The following RGS6 variants were observed in gnomAD, a reference collection of about 807,000 sequenced individuals.
RGS6 encodes the protein regulator of G-protein signaling 6.
In RGS6, 30 loss-of-function variants were observed where a neutral mutation model predicts 78.5. The observed-to-expected ratio is 0.38, with a 90% CI of 0.29 to 0.52. RGS6 has a LOEUF of 0.52. RGS6 is among the 20% of genes least tolerant of loss of function. RGS6 has a pLI of 0.85. For missense variants in RGS6, 495 were observed against 609.7 expected, an observed-to-expected ratio of 0.81 and a Z score of 1.98; for synonymous variants, 206 against 206.0, an observed-to-expected ratio of 1.00 and a Z score of 0.00.
At chr14:72,452,067 G>C (rs886898805) in intron 3 of RGS6, among the ~76,000 whole-genome samples, 1 of 152,120 alleles carries the variant, frequency 6.6e-6, no homozygotes, top group Non-Finnish European at 1.5e-5. Context: ...TTTTTCTTTT[G>C]AGGAAAAAAC....
chr14:72,459,615 C>G lies in RGS6; in HGVS notation c.343-17C>G. Reference sequence around the variant, plus strand: ...CATGGCGCGCCCCTGAGCACTAACACCCATGCTCCTTTGCAGGCTCCGTAC... The same window carrying G: ...CATGGCGCGCCCCTGAGCACTAACAGCCATGCTCCTTTGCAGGCTCCGTAC... On this transcript the variant is annotated splice_polypyrimidine_tract_variant and intron_variant, in intron 5 of 17. Coordinates refer to ENST00000553525, the MANE Select transcript of RGS6 (RefSeq NM_001204424.2). 1 of 1,613,864 alleles carries G rather than the reference C, an allele frequency of 6.2e-7. No homozygotes were observed. The highest frequency in any genetic ancestry group is 8.5e-7 in the Non-Finnish European group (1 of 1,179,896).
intron 2 of RGS6, among the ~76,000 whole-genome samples, chr14:72,182,424 A>C (rs1340445902): frequency 1.3e-5 from 2 of 151,702 alleles, no homozygotes. Context: ...CTCAAAAAAA[A>C]AAAAAAAAAA....
chr14:72,191,469 T>C (rs1410119812), intron 2 of RGS6, among the ~76,000 whole-genome samples: 1 of 152,080 alleles, frequency 6.6e-6, no homozygotes, highest in Non-Finnish European at 1.5e-5. Context: ...AGGAAAAAGG[T>C]TTAATGGACT....
At chr14:72,004,850 AC>A (rs1276061244) in intron 2 of RGS6, among the ~76,000 whole-genome samples, 4,538 of 146,244 alleles carry the variant, frequency 0.031, 203 homozygotes, top group African/African-American at 0.1. Context: ...AATAAATAAA[AC>A]AAACATAAAA....
chr14:72,040,385 G>T (rs1268724316), intron 2 of RGS6, among the ~76,000 whole-genome samples: 1 of 150,294 alleles, frequency 6.7e-6, no homozygotes, highest in Non-Finnish European at 1.5e-5. Context: ...TTTGGCCATG[G>T]TATTTTGTGT....
intron 2 of RGS6, among the ~76,000 whole-genome samples, chr14:72,243,548 A>G (rs555105033): frequency 1.3e-5 from 2 of 152,342 alleles, no homozygotes; most frequent in South Asian, 4.1e-4. Context: ...ATTGCCTTCC[A>G]ACTCTTCCCA....
the RGS6 span, among the ~76,000 whole-genome samples, chr14:72,599,838 C>T: frequency 4.6e-5 from 7 of 152,154 alleles, no homozygotes; most frequent in East Asian, 9.7e-4. Context: ...GACCAGCCTC[C>T]GAGTCCTGTG....
intron 3 of RGS6, chr14:72,421,018 C>T (rs989759706): frequency 2.0e-5 from 3 of 152,012 alleles, no homozygotes; most frequent in African/African-American, 7.2e-5. Flanking sequence ...AGCAAGGACA[C>T]CGGTTCATGC....
At chr14:72,023,168 C>T (rs1309270078) in intron 2 of RGS6, among the ~76,000 whole-genome samples, 1 of 152,236 alleles carries the variant, frequency 6.6e-6, no homozygotes, top group Non-Finnish European at 1.5e-5. Context: ...AGAAAGCTTA[C>T]ATATCCAAAA....
chr14:72,604,261 C>T, the RGS6 span, among the ~76,000 whole-genome samples: 1 of 152,166 alleles, frequency 6.6e-6, no homozygotes, highest in Admixed American at 6.5e-5. Context: ...CAACCTCAGC[C>T]CAGCATCCCT....
At chr14:72,061,485 A>G (rs1364703148) in intron 2 of RGS6, among the ~76,000 whole-genome samples, 1 of 152,168 alleles carries the variant, frequency 6.6e-6, no homozygotes, top group Non-Finnish European at 1.5e-5. Flanking sequence ...ATTTAGCCAC[A>G]TTACTGAACA....
chr14:72,041,652 G>A (rs1457681960), intron 2 of RGS6, among the ~76,000 whole-genome samples: 4 of 152,172 alleles, frequency 2.6e-5, no homozygotes, highest in Non-Finnish European at 1.5e-5. Flanking sequence ...GCTAAGAATA[G>A]CAAAATAAAA....
intron 12 of RGS6, among the ~76,000 whole-genome samples, chr14:72,482,991 G>C (rs1348013663): frequency 2.0e-5 from 3 of 152,178 alleles, no homozygotes; most frequent in Non-Finnish European, 2.9e-5. Flanking sequence ...TATTTCATCT[G>C]TAGACTATGC....
chr14:72,133,137 T>C (rs1309933343), intron 2 of RGS6, among the ~76,000 whole-genome samples: 1 of 152,186 alleles, frequency 6.6e-6, no homozygotes, highest in Non-Finnish European at 1.5e-5. Context: ...ATTCATTTAT[T>C]TGTTCCCGTA....
chr14:71,967,239 C>T (rs2093578418), intron 2 of RGS6, among the ~76,000 whole-genome samples: 1 of 147,946 alleles, frequency 6.8e-6, no homozygotes, highest in African/African-American at 2.6e-5. Flanking sequence ...TATTAATTAC[C>T]ATAAAAGGGA....
chr14:72,558,989 C>T (rs2097630298), intron 17 of RGS6, among the ~76,000 whole-genome samples: 1 of 152,228 alleles, frequency 6.6e-6, no homozygotes, highest in Non-Finnish European at 1.5e-5. Flanking sequence ...ATGATCCATT[C>T]CCAACTGACC....
chr14:72,010,386 T>A (rs1332788206), intron 2 of RGS6, among the ~76,000 whole-genome samples: 1 of 152,186 alleles, frequency 6.6e-6, no homozygotes, highest in Non-Finnish European at 1.5e-5. Context: ...ATAGGAACCA[T>A]TTCCACTAAA....
Position 72,242,208 on chromosome 14 carries a change from T to C in RGS6, c.85-109887T>C, listed in dbSNP as rs112988289. Among the ~76,000 whole-genome samples the C allele has an allele frequency of 8.7e-3, 1,330 of 152,160 alleles. 20 individuals are homozygous for C. The highest frequency in any genetic ancestry group is 0.03 in the African/African-American group (1,257 of 41,508). Reference sequence around the variant, plus strand: ...CAGAGATAAGGGTTTATATACCAACTTAACAAAGGTGAAGGGGGCAATTAG... The same window carrying C: ...CAGAGATAAGGGTTTATATACCAACCTAACAAAGGTGAAGGGGGCAATTAG... On this transcript the variant is annotated intron_variant, in intron 2 of 17. Coordinates refer to ENST00000553525, the MANE Select transcript of RGS6 (RefSeq NM_001204424.2).
intron 8 of RGS6, among the ~76,000 whole-genome samples, chr14:72,470,645 A>AT (rs1555420802): frequency 1.3e-5 from 2 of 151,646 alleles, no homozygotes; most frequent in African/African-American, 4.9e-5. Flanking sequence ...TGTGAGACCG[A>AT]GGTGGGGGTG....
Sources: gnomAD v4.1 joint callset for allele counts (sites outside exome capture counted in the v4.1 genomes callset) on GRCh38, gnomAD v4.1.1 for gene constraint, MANE v1.5 for transcripts, NCBI Gene and HGNC (gene_info 2026-07-23, HGNC 2026-07-21) for gene names.